Variants in DCDC2 observed in about 807,000 individuals in gnomAD.
The protein encoded by DCDC2 is doublecortin domain containing 2.
Under a neutral mutation model 50.2 loss-of-function variants are expected in DCDC2, and 40 were observed. The observed-to-expected ratio is 0.80, with a 90% CI of 0.62 to 1.04. The LOEUF (loss-of-function observed/expected upper bound fraction) is 1.04. DCDC2 is among the 50% of genes least tolerant of loss of function. The probability of loss-of-function intolerance (pLI) is 0.00; values close to 1 mark genes in which losing one functional copy is unlikely to be tolerated. For missense variants in DCDC2, 570 were observed against 581.9 expected (o/e 0.98, Z 0.21); for synonymous variants, 234 against 210.6 (o/e 1.11, Z -0.96).
upstream of DCDC2, among the ~76,000 whole-genome samples, chr6:24,359,544 T>G (rs1317774329): frequency 8.9e-6 from 1 of 112,240 alleles, no homozygotes; most frequent in Non-Finnish European, 1.7e-5. Flanking sequence ...TTTTATATAT[T>G]TTATATATAT....
the DCDC2 span, among the ~76,000 whole-genome samples, chr6:24,367,014 G>C: frequency 1.4e-4 from 21 of 152,028 alleles, no homozygotes; most frequent in East Asian, 3.3e-3. Context: ...TTTAAATGTT[G>C]TGGAGGGATG....
At chr6:24,286,624 G>A (rs377030264) in intron 6 of DCDC2, among the ~76,000 whole-genome samples, 1 of 150,188 alleles carries the variant, frequency 6.7e-6, no homozygotes, top group African/African-American at 2.4e-5. Context: ...TGCAACTGCA[G>A]CTTCAGTCCT....
intron 7 of DCDC2, among the ~76,000 whole-genome samples, chr6:24,211,156 C>T (rs951392335): frequency 6.6e-6 from 1 of 152,064 alleles, no homozygotes; most frequent in Non-Finnish European, 1.5e-5. Context: ...TTTCACTGTT[C>T]CATCCCCAGC....
intron 8 of DCDC2, among the ~76,000 whole-genome samples, chr6:24,203,030 GA>G (rs1554144581): frequency 6.6e-6 from 1 of 152,148 alleles, no homozygotes; most frequent in Non-Finnish European, 1.5e-5. Flanking sequence ...TGGATAGGAA[GA>G]ATTGATATTG....
intron 2 of DCDC2, among the ~76,000 whole-genome samples, chr6:24,302,562 C>T (rs1331899384): frequency 1.3e-5 from 2 of 152,084 alleles, no homozygotes; most frequent in Non-Finnish European, 2.9e-5. Context: ...ACTTTCTCCC[C>T]TATCCCCCAT....
chr6:24,241,800 A>C (rs181582726), intron 7 of DCDC2, among the ~76,000 whole-genome samples: 31 of 152,342 alleles, frequency 2.0e-4, no homozygotes, highest in African/African-American at 7.2e-4. Flanking sequence ...ATCCCTAAAG[A>C]CAGTAGAATA....
chr6:24,293,637 T>G (rs527682221), intron 4 of DCDC2, among the ~76,000 whole-genome samples: 1 of 152,166 alleles, frequency 6.6e-6, no homozygotes, highest in Admixed American at 6.5e-5. Flanking sequence ...AAGCAGAAAA[T>G]TAGCAAAGAT....
chr6:24,210,381 T>C (rs1213705864), intron 7 of DCDC2, among the ~76,000 whole-genome samples: 1 of 152,164 alleles, frequency 6.6e-6, no homozygotes, highest in Non-Finnish European at 1.5e-5. Flanking sequence ...AACCTTAACA[T>C]GGTCAAAACA....
At chr6:24,362,238 A>T (rs918158266), upstream of DCDC2, among the ~76,000 whole-genome samples, 13 of 149,338 alleles carry the variant, frequency 8.7e-5, no homozygotes, top group African/African-American at 2.9e-4. Flanking sequence ...TACAATTTTT[A>T]TTTAATTGTA....
chr6:24,342,471 T>A (rs1418708334), intron 2 of DCDC2, among the ~76,000 whole-genome samples: 1 of 152,140 alleles, frequency 6.6e-6, no homozygotes, highest in Non-Finnish European at 1.5e-5. Context: ...CTCCGTGGAG[T>A]GTGGCAGCTG....
chr6:24,261,025 A>G (rs1052685409), intron 7 of DCDC2, among the ~76,000 whole-genome samples: 21 of 152,224 alleles, frequency 1.4e-4, no homozygotes, highest in African/African-American at 4.8e-4. Flanking sequence ...GTCTAGTCTG[A>G]CATGGGAACT....
intron 2 of DCDC2, among the ~76,000 whole-genome samples, chr6:24,342,943 T>TAGA (rs1031672360): frequency 6.6e-6 from 1 of 152,170 alleles, no homozygotes; most frequent in Non-Finnish European, 1.5e-5. Context: ...TAAAACTCTT[T>TAGA]AGAGAGTCCT....
chr6:24,333,170 T>C (rs1759995879), intron 2 of DCDC2, among the ~76,000 whole-genome samples: 1 of 152,060 alleles, frequency 6.6e-6, no homozygotes, highest in Non-Finnish European at 1.5e-5. Flanking sequence ...GTAGCACAGG[T>C]ATGCTGTGGA....
rs1760868840 is a variant in DCDC2 at position 24,174,870 on chromosome 6, T to C, written c.1327-36A>G. The stretch of plus-strand genomic sequence containing the variant: ...ATAGATCAAAACAAAGGTATTCAGC[T>C]GTTTGGTTCACAAAGGTAATGACAT... On this transcript the variant is annotated intron_variant, in intron 9 of 9. Transcript: ENST00000378454. 3.5e-6 allele frequency: 5 copies of C among 1,412,774 alleles called. No homozygotes were observed. The East Asian group carries it at 1.1e-4, about 32-fold the overall frequency. The allele number at this position is 1,412,774 out of a possible 1,614,324, so 87.5% of individuals were successfully genotyped here.
intron 8 of DCDC2, among the ~76,000 whole-genome samples, chr6:24,197,401 C>T (rs960628521): frequency 6.6e-6 from 1 of 152,170 alleles, no homozygotes; most frequent in Admixed American, 6.5e-5. Flanking sequence ...TAATATTTGA[C>T]ATTTTGACTT....
At chr6:24,361,431 T>TA (rs1159021439), upstream of DCDC2, among the ~76,000 whole-genome samples, 2,164 of 140,874 alleles carry the variant, frequency 0.015, 41 homozygotes, top group African/African-American at 0.048. Flanking sequence ...AAATGAAAGT[T>TA]AAAAAAAAAA....
intron 2 of DCDC2, among the ~76,000 whole-genome samples, chr6:24,347,655 G>A (rs793674): frequency 0.67 from 101,779 of 151,942 alleles, 34,757 homozygotes; most frequent in Middle Eastern, 0.77. Context: ...GGATTTTGGT[G>A]TCCTCAGGGG....
chr6:24,371,434 T>C, the DCDC2 span, among the ~76,000 whole-genome samples: 4 of 152,004 alleles, frequency 2.6e-5, no homozygotes, highest in Non-Finnish European at 5.9e-5. Context: ...TGAAACCCTG[T>C]CTCTACAAAA....
chr6:24,176,400 C>T (rs1378125320), intron 9 of DCDC2, among the ~76,000 whole-genome samples: 2 of 151,948 alleles, frequency 1.3e-5, no homozygotes, highest in Admixed American at 6.6e-5. Flanking sequence ...CATTACATAC[C>T]ACAGGTCAAT....
Sources: gnomAD v4.1 joint callset for allele counts (sites outside exome capture counted in the v4.1 genomes callset) on GRCh38, gnomAD v4.1.1 for gene constraint, MANE v1.5 for transcripts, NCBI Gene and HGNC (gene_info 2026-07-23, HGNC 2026-07-21) for gene names.